VPS13C: variants seen among roughly 807,000 people sequenced by gnomAD.
The protein encoded by VPS13C is intermembrane lipid transfer protein VPS13C.
In VPS13C, 358 loss-of-function variants were observed where a neutral mutation model predicts 456.8. That is an observed-to-expected ratio of 0.78 (90% CI 0.72 to 0.86). The LOEUF is 0.86. VPS13C is among the 40% of genes least tolerant of loss of function. VPS13C has a pLI of 0.00. For synonymous variants in VPS13C, 1,578 were observed against 1,486.7 expected, an observed-to-expected ratio of 1.06 and a Z score of -1.41; for missense variants, 4,818 against 4,385.4, an observed-to-expected ratio of 1.10 and a Z score of -2.79.
rs2047710169 is a variant in VPS13C, at chr15:62,028,432, A to G, written c.386-12T>C. ...CCCTGAATGTGTGCCTGCATCCCAC[A>G]TGGCAGCAATAACCAAAATGCAAAG... On this transcript the variant is annotated splice_polypyrimidine_tract_variant and intron_variant, in intron 5 of 84. Transcript: ENST00000644861. 2 of 1,612,546 alleles carry G rather than the reference A, an allele frequency of 1.2e-6. No individual in the cohort carries two copies. The highest frequency in any genetic ancestry group is 1.3e-5 in the African/African-American group (1 of 74,814).
intron 11 of VPS13C, among the ~76,000 whole-genome samples, chr15:62,012,618 G>A (rs1474779343): frequency 6.6e-6 from 1 of 151,754 alleles, no homozygotes; most frequent in African/African-American, 2.4e-5. Flanking sequence ...TTGAAGTTTT[G>A]AATTAATCTT....
At chr15:61,897,771 G>C (rs534476432) in intron 66 of VPS13C, among the ~76,000 whole-genome samples, 80 of 152,142 alleles carry the variant, frequency 5.3e-4, no homozygotes, top group African/African-American at 1.9e-3. Flanking sequence ...GATACTCCTC[G>C]AGAAGAGCAA....
rs551454222 is a variant in VPS13C at position 61,934,451 on chromosome 15, T to A, written c.5756-120A>T. ...CTTTCTGGGATTCTGTAAATCATAT[T>A]GAGACAATTAATAAAAATGGCAATT... On this transcript the variant is annotated intron_variant, in intron 48 of 84. Transcript: ENST00000644861. 4.5e-4 allele frequency: 224 copies of A among 497,410 alleles called. 3 individuals carry two copies. In the South Asian group the frequency reaches 0.015, roughly 33 times the overall value. 30.8% of individuals were successfully genotyped at this position (497,410 alleles called of 1,614,324 possible). A position where few individuals can be genotyped will look rare whatever the true frequency, so the allele number is the denominator to read the frequency against.
chr15:61,954,501 T>C lies in VPS13C; in HGVS notation c.4219A>G (p.Lys1407Glu), dbSNP rs1296927065. 6.2e-7 allele frequency: 1 copy of C among 1,610,056 alleles called. No homozygotes were observed. The highest frequency in any genetic ancestry group is 1.1e-5 in the South Asian group (1 of 89,826). ...TCCACTCCAGTTGTTAAAGTATTTT[T>C]TGAATCATGTACATCTTGTGATATA... Reference protein sequence around the residue: ...ISISQDVHDSKNTLTTGVEEI... With the variant: ...ISISQDVHDSENTLTTGVEEI... The change falls in exon 38 of 85, where the codon AAA (lysine) becomes GAA (glutamate). Residue 1407 changes from lysine to glutamate, a missense_variant. By Grantham distance (56) the Lys-to-Glu change is moderately conservative (BLOSUM62 1). Transcript: ENST00000644861.
chr15:61,904,892 T>C (rs2043109524), intron 66 of VPS13C, among the ~76,000 whole-genome samples: 1 of 151,656 alleles, frequency 6.6e-6, no homozygotes, highest in African/African-American at 2.4e-5. Context: ...GAAAGACAAA[T>C]AGCACATGTT....
chr15:62,029,442 CCCA>C (rs1567128136), intron 5 of VPS13C, among the ~76,000 whole-genome samples: 1 of 152,052 alleles, frequency 6.6e-6, no homozygotes, highest in East Asian at 1.9e-4. Context: ...TCTATACTTT[CCCA>C]CCTTCACTGT....
chr15:62,007,850 T>C (rs758456310), intron 14 of VPS13C, among the ~76,000 whole-genome samples: 2 of 152,132 alleles, frequency 1.3e-5, no homozygotes, highest in Non-Finnish European at 2.9e-5. Flanking sequence ...CTCACGTCTG[T>C]AATCCCAGCA....
At chr15:61,997,802 T>C (rs918038459) in intron 16 of VPS13C, among the ~76,000 whole-genome samples, 11 of 152,242 alleles carry the variant, frequency 7.2e-5, no homozygotes, top group African/African-American at 2.6e-4. Flanking sequence ...TCATCTCAAC[T>C]ATTTCAATAG....
chr15:62,016,663 G>C (rs991168051), intron 9 of VPS13C, among the ~76,000 whole-genome samples: 1 of 151,912 alleles, frequency 6.6e-6, no homozygotes, highest in Non-Finnish European at 1.5e-5. Flanking sequence ...TCTTAATCCA[G>C]TCTATCACTG....
chr15:61,862,310 T>C (rs1168323454), intron 82 of VPS13C, among the ~76,000 whole-genome samples: 7 of 152,150 alleles, frequency 4.6e-5, no homozygotes, highest in Non-Finnish European at 8.8e-5. Context: ...CATCAGTGAC[T>C]AGATTTCAAA....
At chr15:61,879,648 G>T (rs1009671392) in intron 73 of VPS13C, among the ~76,000 whole-genome samples, 1 of 151,948 alleles carries the variant, frequency 6.6e-6, no homozygotes, top group Non-Finnish European at 1.5e-5. Context: ...TATCCCCCTA[G>T]AATATAATAT....
intron 5 of VPS13C, among the ~76,000 whole-genome samples, chr15:62,030,986 G>A (rs532513996): frequency 3.8e-4 from 58 of 152,112 alleles, no homozygotes; most frequent in African/African-American, 1.3e-3. Flanking sequence ...TAGCATTTGC[G>A]AATCTTTTGG....
chr15:61,972,022 T>C (rs899990331), intron 27 of VPS13C, among the ~76,000 whole-genome samples: 1 of 152,210 alleles, frequency 6.6e-6, no homozygotes, highest in Non-Finnish European at 1.5e-5. Flanking sequence ...TAAGCAGGCA[T>C]GTATAAAAAC....
At chr15:61,896,443 C>T (rs368933438) in intron 66 of VPS13C, among the ~76,000 whole-genome samples, 156 of 152,290 alleles carry the variant, frequency 1.0e-3, no homozygotes, top group African/African-American at 3.0e-3. Flanking sequence ...ACTCGGGAAG[C>T]GCAAGGGGTC....
intron 51 of VPS13C, 29 bp downstream of exon 51, chr15:61,929,472 G>T: frequency 1.3e-6 from 2 of 1,566,896 alleles, no homozygotes; most frequent in African/African-American, 1.4e-5. Flanking sequence ...TATACAAGTT[G>T]TCATCTATGA....
At chr15:62,041,948 C>G (rs1239586629) in intron 2 of VPS13C, among the ~76,000 whole-genome samples, 1 of 151,920 alleles carries the variant, frequency 6.6e-6, no homozygotes, top group Admixed American at 6.6e-5. Context: ...TTTAAGTAAA[C>G]CAAATCAAAT....
At chr15:61,984,042 G>A (rs372062946) in intron 19 of VPS13C, 30 bp from the exon 20 acceptor site, 2 of 1,587,778 alleles carry the variant, frequency 1.3e-6, no homozygotes, top group South Asian at 2.2e-5. Context: ...AAGGAAAGAT[G>A]CAGACAAGGT....
intron 64 of VPS13C, 45 bp from the exon 65 acceptor site, chr15:61,909,170 C>A: frequency 6.2e-7 from 1 of 1,602,378 alleles, no homozygotes; most frequent in Non-Finnish European, 8.5e-7. Context: ...CTGGTTTAAT[C>A]TACACTTACA....
intron 37 of VPS13C, among the ~76,000 whole-genome samples, chr15:61,956,372 G>A (rs1342726471): frequency 1.3e-5 from 2 of 151,908 alleles, no homozygotes; most frequent in Non-Finnish European, 2.9e-5. Context: ...TACCTATCAG[G>A]TACTATGCTC....
Sources: allele counts gnomAD v4.1 joint callset (sites outside exome capture counted in the v4.1 genomes callset), GRCh38; gene constraint gnomAD v4.1.1; transcripts MANE v1.5; gene names NCBI Gene and HGNC (gene_info 2026-07-23, HGNC 2026-07-21).